The following JAKMIP3 variants were observed in gnomAD, a reference collection of about 807,000 sequenced individuals.
The protein encoded by JAKMIP3 is janus kinase and microtubule-interacting protein 3.
Under a neutral mutation model 118.5 loss-of-function variants are expected in JAKMIP3, and 58 were observed. That is an observed-to-expected ratio of 0.49 (90% CI 0.40 to 0.61). The LOEUF is 0.61. Ranked by LOEUF, JAKMIP3 falls within the 20% of genes least tolerant of loss-of-function variation. The probability of loss-of-function intolerance (pLI) is 0.00; values close to 1 mark genes in which losing one functional copy is unlikely to be tolerated. For missense variants in JAKMIP3, 950 were observed against 1,109.0 expected, an observed-to-expected ratio of 0.86 and a Z score of 2.04; for synonymous variants, 486 against 451.2, an observed-to-expected ratio of 1.08 and a Z score of -0.98.
intron 1 of JAKMIP3, among the ~76,000 whole-genome samples, chr10:132,079,158 C>CTGGGAGCGGA (rs142242799): frequency 0.58 from 87,818 of 150,140 alleles, 25,811 homozygotes; most frequent in East Asian, 0.72. Context: ...AGCGGACGGC[C>CTGGGAGCGGA]CAGCCCCACA....
chr10:132,046,317 G>T (rs1030944905), intron 1 of JAKMIP3, among the ~76,000 whole-genome samples: 3 of 152,130 alleles, frequency 2.0e-5, no homozygotes, highest in Non-Finnish European at 4.4e-5. Flanking sequence ...ATAGCTGGGC[G>T]TGGTGGCGGG....
intron 1 of JAKMIP3, among the ~76,000 whole-genome samples, chr10:132,047,014 C>G (rs2037936989): frequency 6.6e-6 from 1 of 152,138 alleles, no homozygotes; most frequent in Non-Finnish European, 1.5e-5. Flanking sequence ...TCTCCTGAGT[C>G]ACTGGGACTG....
rs375347663 is a variant in JAKMIP3 at position 132,142,781 on chromosome 10, C to T, written c.1602+733C>T. 7.9e-5 allele frequency among the ~76,000 whole-genome samples: 12 copies of T among 152,248 alleles called. No homozygotes were observed. The South Asian group carries it at 8.3e-4, about 11-fold the overall frequency. On this transcript the variant is annotated intron_variant, in intron 11 of 23. Coordinates refer to ENST00000684848, the MANE Select transcript of JAKMIP3 (RefSeq NM_001323087.2). ...CCTCACAGCGAGACGGGCTGCTTTC[C>T]GGGGGAGCTGAGGGGTTCTCCAGAG...
intron 1 of JAKMIP3, among the ~76,000 whole-genome samples, chr10:132,104,366 T>G (rs2045579598): frequency 6.6e-6 from 1 of 152,200 alleles, no homozygotes; most frequent in Non-Finnish European, 1.5e-5. Context: ...AGTTCGAAGT[T>G]GGGTGCCCAC....
intron 1 of JAKMIP3, among the ~76,000 whole-genome samples, chr10:132,086,223 G>A (rs923199522): frequency 2.0e-5 from 3 of 152,164 alleles, no homozygotes; most frequent in Admixed American, 2.0e-4. Flanking sequence ...GTCTGAGAGA[G>A]TGCTTAGTAT....
intron 9 of JAKMIP3, 69 bp from the exon 10 acceptor site, chr10:132,140,382 G>A (rs2053247563): frequency 1.9e-6 from 3 of 1,598,638 alleles, no homozygotes; most frequent in Admixed American, 1.7e-5. Context: ...GGCAGCGGGA[G>A]GAGGCGGCGG....
At chr10:132,072,486 G>A (rs1185522535) in intron 1 of JAKMIP3, among the ~76,000 whole-genome samples, 1 of 152,110 alleles carries the variant, frequency 6.6e-6, no homozygotes, top group Non-Finnish European at 1.5e-5. Context: ...AGTGAGCCAT[G>A]ATCGTACCAT....
intron 3 of JAKMIP3, among the ~76,000 whole-genome samples, chr10:132,131,144 G>C (rs978171043): frequency 3.3e-5 from 5 of 151,992 alleles, no homozygotes; most frequent in African/African-American, 9.7e-5. Flanking sequence ...AGGAGGTCCT[G>C]GTGGGTGGGG....
At chr10:132,167,204 C>T (rs1292085989) in intron 22 of JAKMIP3, 149 bp downstream of exon 22, 6 of 634,326 alleles carry the variant, frequency 9.5e-6, no homozygotes, top group Non-Finnish European at 1.7e-5. Context: ...TGTTAGAAAG[C>T]CACCCGCGTC....
intron 1 of JAKMIP3, among the ~76,000 whole-genome samples, chr10:132,079,396 C>G (rs2041418955): frequency 6.6e-6 from 1 of 152,104 alleles, no homozygotes; most frequent in African/African-American, 2.4e-5. Flanking sequence ...CAGATTTCAG[C>G]GGTAGCACTG....
rs1434904156 is a variant in JAKMIP3, at chr10:132,133,515, C to T, written c.837C>T (p.His279=). 8.9e-6 allele frequency: 14 copies of T among 1,565,250 alleles called. No individual in the cohort carries two copies. Among genetic ancestry groups the T allele is most frequent in the Non-Finnish European group, 1.1e-5 (13 of 1,156,042 alleles). Residue 279 remains histidine (H), a synonymous_variant, in exon 4 of 24, where the codon CAC becomes CAT. Coordinates refer to ENST00000684848, the MANE Select transcript of JAKMIP3 (RefSeq NM_001323087.2). Reference sequence around the variant, plus strand: ...CTGGTGCAGGAGACGCTTCAGACCACTCGGGAAGCCCTGTAAGCACCTCCC... The same window carrying T: ...CTGGTGCAGGAGACGCTTCAGACCATTCGGGAAGCCCTGTAAGCACCTCCC... The part of the protein sequence containing the change: ...HAAGAGDASD[H]SGSPEQQLDE...
chr10:132,075,815 C>A (rs2040700297), intron 1 of JAKMIP3, among the ~76,000 whole-genome samples: 2 of 152,084 alleles, frequency 1.3e-5, no homozygotes, highest in African/African-American at 4.8e-5. Flanking sequence ...TTTTTATATA[C>A]CCCCATTTTT....
intron 3 of JAKMIP3, among the ~76,000 whole-genome samples, chr10:132,120,616 G>T (rs955301285): frequency 6.6e-6 from 1 of 152,240 alleles, no homozygotes; most frequent in Admixed American, 6.5e-5. Context: ...TGCCCTGAGG[G>T]CATCAGCTGT....
At chr10:132,059,657 G>A (rs4880230) in intron 1 of JAKMIP3, among the ~76,000 whole-genome samples, 84,495 of 152,038 alleles carry the variant, frequency 0.56, 23,872 homozygotes, top group East Asian at 0.72. Flanking sequence ...TTGGAGGATC[G>A]CAGCAGGCGC....
Position 132,112,527 on chromosome 10 carries a change from G to A in JAKMIP3, c.136-4550G>A, listed in dbSNP as rs2047026614. ...TCCTGGTTCCTTATTTTGTTCAATT[G>A]TATTCTTTTCTTCAGTGTTTTTGTC... On this transcript the variant is annotated intron_variant, in intron 2 of 23. Transcript: ENST00000684848. This position sits in a 1 kb window ranked among gnomAD's most constrained non-coding sequence, Gnocchi z 4.3. Among the ~76,000 whole-genome samples the A allele has an allele frequency of 6.6e-6, 1 of 152,144 alleles. No individual in the cohort carries two copies. The highest frequency in any genetic ancestry group is 6.5e-5 in the Admixed American group (1 of 15,272).
In JAKMIP3 at chr10:132,044,786, C is replaced by T. The variant is rs888679283; in HGVS notation, c.-138+8048C>T. ...CACCTCCAGAACGATTTCATCTTCCCAAACGGAAACTGTACCCCCCACCCA... is the reference window on the plus strand; with the variant it reads ...CACCTCCAGAACGATTTCATCTTCCTAAACGGAAACTGTACCCCCCACCCA... On this transcript the variant is annotated intron_variant, in intron 1 of 23. Transcript: ENST00000657785. This position sits in a 1 kb window ranked among gnomAD's most constrained non-coding sequence, Gnocchi z 5.3. 2.0e-5 allele frequency among the ~76,000 whole-genome samples: 3 copies of T among 152,116 alleles called. No individual in the cohort carries two copies. Among genetic ancestry groups the T allele is most frequent in the Non-Finnish European group, 2.9e-5 (2 of 68,010 alleles).
intron 3 of JAKMIP3, among the ~76,000 whole-genome samples, chr10:132,120,255 G>A (rs557192990): frequency 2.4e-4 from 36 of 152,278 alleles, no homozygotes; most frequent in African/African-American, 7.9e-4. Flanking sequence ...AGTGTTGCCC[G>A]TGAGAGCCCC....
intron 19 of JAKMIP3, among the ~76,000 whole-genome samples, chr10:132,158,940 G>T (rs922955132): frequency 1.2e-5 from 1 of 85,444 alleles, no homozygotes; most frequent in Non-Finnish European, 2.1e-5. Flanking sequence ...TTGTGATGCT[G>T]GGGGGGGGGA....
At chr10:132,166,560 A>G (rs1359116622) in intron 21 of JAKMIP3, among the ~76,000 whole-genome samples, 1 of 152,162 alleles carries the variant, frequency 6.6e-6, no homozygotes, top group Non-Finnish European at 1.5e-5. Flanking sequence ...TTTGCTGGGC[A>G]CTTGGAATGT....
Sources: gnomAD v4.1 joint callset for allele counts (sites outside exome capture counted in the v4.1 genomes callset) on GRCh38, gnomAD v4.1.1 for gene constraint, Gnocchi (gnomAD v3.1) non-coding constraint, MANE v1.5 for transcripts, NCBI Gene and HGNC (gene_info 2026-07-23, HGNC 2026-07-21) for gene names.